CSMD1: variants seen among roughly 807,000 people sequenced by gnomAD.
The protein encoded by CSMD1 is CUB and Sushi multiple domains 1, also known as CUB and sushi domain-containing protein 1.
CSMD1 carries 213 observed loss-of-function variants against 417.5 expected under a neutral mutation model. The observed-to-expected ratio is 0.51, with a 90% confidence interval of 0.46 to 0.57. CSMD1 has a LOEUF of 0.57. CSMD1 is among the 20% of genes least tolerant of loss of function. The probability of loss-of-function intolerance (pLI) is 0.00; values close to 1 mark genes in which losing one functional copy is unlikely to be tolerated. For missense variants in CSMD1, 6,923 were observed against 4,529.7 expected (o/e 1.53, Z -15.17); for synonymous variants, 2,862 against 1,736.8 (o/e 1.65, Z -16.11).
At chr8:3,183,387 T>C (rs375366827) in intron 36 of CSMD1, among the ~76,000 whole-genome samples, 1 of 148,936 alleles carries the variant, frequency 6.7e-6, no homozygotes, top group African/African-American at 2.5e-5. Context: ...CCCACCGACG[T>C]CACGAACTGA....
intron 2 of CSMD1, among the ~76,000 whole-genome samples, chr8:4,430,529 T>C (rs1018349342): frequency 5.9e-5 from 9 of 152,276 alleles, no homozygotes; most frequent in South Asian, 2.1e-4. Context: ...AATTACACTC[T>C]GATAGACACT....
At chr8:4,541,710 G>A (rs745850877) in intron 2 of CSMD1, among the ~76,000 whole-genome samples, 18 of 152,174 alleles carry the variant, frequency 1.2e-4, no homozygotes, top group Non-Finnish European at 2.4e-4. Flanking sequence ...ATTCCAGCCT[G>A]GGTGACAGAG....
At chr8:3,071,883 T>C (rs1813346710) in intron 49 of CSMD1, among the ~76,000 whole-genome samples, 1 of 152,204 alleles carries the variant, frequency 6.6e-6, no homozygotes, top group Non-Finnish European at 1.5e-5. Flanking sequence ...CACTGCACCA[T>C]GTGCACATAA....
At position 3,015,759 on chromosome 8, in the gene CSMD1, C is replaced by T. The variant is rs565410105; in HGVS notation, c.8029+2718G>A. 5.3e-5 allele frequency among the ~76,000 whole-genome samples: 8 copies of T among 152,044 alleles called. No individual in the cohort carries two copies. The East Asian group carries it at 5.8e-4, about 11-fold the overall frequency. ...AACCCAAAGTGATTTTCAAAAGAGC[C>T]GTAACCATGGAAACAGGGAAAGGGT... On this transcript the variant is annotated intron_variant, in intron 52 of 69. Transcript: ENST00000635120.
intron 2 of CSMD1, among the ~76,000 whole-genome samples, chr8:4,565,923 T>C (rs971538612): frequency 9.2e-5 from 14 of 151,708 alleles, no homozygotes; most frequent in Non-Finnish European, 1.9e-4. Flanking sequence ...TTTGTTTCAA[T>C]GAGTGAAAAA....
intron 3 of CSMD1, among the ~76,000 whole-genome samples, chr8:4,275,943 C>G (rs907469044): frequency 6.6e-6 from 1 of 152,062 alleles, no homozygotes; most frequent in African/African-American, 2.4e-5. Flanking sequence ...AAAAAGGAAA[C>G]CATGAATAGT....
chr8:3,499,507 G>T (rs1310793131), intron 10 of CSMD1, among the ~76,000 whole-genome samples: 3 of 152,098 alleles, frequency 2.0e-5, no homozygotes, highest in Non-Finnish European at 2.9e-5. Context: ...GGAGTGGGGG[G>T]AGTGTTCACT....
At chr8:3,948,888 G>A (rs530602850) in intron 5 of CSMD1, among the ~76,000 whole-genome samples, 11 of 152,084 alleles carry the variant, frequency 7.2e-5, no homozygotes, top group East Asian at 3.9e-4. Flanking sequence ...AACAAAAAAG[G>A]AGATTTTTTT....
chr8:4,222,238 T>C (rs887424308), intron 3 of CSMD1, among the ~76,000 whole-genome samples: 4 of 152,194 alleles, frequency 2.6e-5, no homozygotes, highest in African/African-American at 4.8e-5. Context: ...CGCAGAAAGT[T>C]ATGATGGGTC....
intron 1 of CSMD1, among the ~76,000 whole-genome samples, chr8:4,727,809 A>T (rs1585006951): frequency 6.6e-6 from 1 of 151,400 alleles, no homozygotes; most frequent in South Asian, 2.1e-4. Context: ...TATGTTTGGT[A>T]CATGTATATG....
intron 4 of CSMD1, among the ~76,000 whole-genome samples, chr8:4,006,084 C>A (rs960476064): frequency 6.6e-6 from 1 of 152,196 alleles, no homozygotes; most frequent in Admixed American, 6.5e-5. Flanking sequence ...GCATTCCCAA[C>A]AGATGCAACA....
chr8:4,365,482 T>C (rs1287560512), intron 3 of CSMD1, among the ~76,000 whole-genome samples: 1 of 152,246 alleles, frequency 6.6e-6, no homozygotes, highest in African/African-American at 2.4e-5. Flanking sequence ...CCAAGTCTAC[T>C]GGCCTTAGGG....
At chr8:3,759,306 T>G (rs1230405666) in intron 5 of CSMD1, among the ~76,000 whole-genome samples, 2 of 152,154 alleles carry the variant, frequency 1.3e-5, no homozygotes, top group African/African-American at 2.4e-5. Flanking sequence ...AGAATGATCC[T>G]GAGGAAAAGG....
At chr8:3,841,502 A>G (rs6987115) in intron 5 of CSMD1, among the ~76,000 whole-genome samples, 17,847 of 152,062 alleles carry the variant, frequency 0.12, 1,463 homozygotes, top group African/African-American at 0.23. Flanking sequence ...TTGCTCTTCT[A>G]TGATTTGTGG....
chr8:3,499,761 C>A (rs1310183491), intron 10 of CSMD1, among the ~76,000 whole-genome samples: 1 of 151,992 alleles, frequency 6.6e-6, no homozygotes. Context: ...CATAGTCCTG[C>A]ATCCTTCTCC....
At chr8:3,888,898 C>G (rs1806750914) in intron 5 of CSMD1, among the ~76,000 whole-genome samples, 1 of 152,044 alleles carries the variant, frequency 6.6e-6, no homozygotes. Flanking sequence ...TGATTTTCGT[C>G]ATATAATTAA....
intron 3 of CSMD1, among the ~76,000 whole-genome samples, chr8:4,280,261 G>A (rs1015388483): frequency 7.9e-5 from 12 of 152,120 alleles, no homozygotes; most frequent in African/African-American, 1.7e-4. Context: ...GTATATTGCA[G>A]TATTTGATAT....
chr8:4,402,160 A>G (rs1296546425), intron 3 of CSMD1, among the ~76,000 whole-genome samples: 1 of 152,030 alleles, frequency 6.6e-6, no homozygotes, highest in African/African-American at 2.4e-5. Context: ...GACCAGCCCT[A>G]ATACCAACCA....
chr8:3,758,183 C>G (rs914413490), intron 5 of CSMD1, among the ~76,000 whole-genome samples: 2 of 152,114 alleles, frequency 1.3e-5, no homozygotes, highest in African/African-American at 2.4e-5. Flanking sequence ...AGGCTGGTCT[C>G]AAACTCCTGA....
Sources: gnomAD v4.1 joint callset for allele counts (sites outside exome capture counted in the v4.1 genomes callset) on GRCh38, gnomAD v4.1.1 for gene constraint, MANE v1.5 for transcripts, NCBI Gene and HGNC (gene_info 2026-07-23, HGNC 2026-07-21) for gene names.